GNPTG: variants seen among roughly 807,000 people sequenced by gnomAD.
GNPTG encodes N-acetylglucosamine-1-phosphotransferase subunit gamma.
Under a neutral mutation model 43.8 loss-of-function variants are expected in GNPTG, and 46 were observed. That is an observed-to-expected ratio of 1.05 (90% CI 0.83 to 1.34). The LOEUF is 1.34. Among genes scored for constraint, GNPTG ranks in the 40% most tolerant of loss-of-function variants. The probability of loss-of-function intolerance (pLI) is 0.00; values close to 1 mark genes in which losing one functional copy is unlikely to be tolerated. For missense variants in GNPTG, 549 were observed against 411.3 expected (o/e 1.33, Z -2.90); for synonymous variants, 250 against 172.8 (o/e 1.45, Z -3.50).
chr16:1,355,090 C>A (rs1373979636), intron 3 of GNPTG, among the ~76,000 whole-genome samples: 1 of 151,178 alleles, frequency 6.6e-6, no homozygotes, highest in East Asian at 1.9e-4. Flanking sequence ...TGGATGGTCT[C>A]CCGCGTCTGC....
At chr16:1,362,413 A>G (rs1480534388) in intron 7 of GNPTG, 39 bp from the exon 8 acceptor site, 8 of 1,612,074 alleles carry the variant, frequency 5.0e-6, no homozygotes, top group African/African-American at 2.7e-5. Flanking sequence ...GGGTTGGGAC[A>G]TGGGGTGCAG....
intron 3 of GNPTG, among the ~76,000 whole-genome samples, chr16:1,353,710 G>A (rs2034724143): frequency 1.3e-5 from 2 of 152,130 alleles, no homozygotes; most frequent in Admixed American, 6.5e-5. Flanking sequence ...TTCTTGTAGA[G>A]ATGGAAGTCT....
At chr16:1,353,873 T>C (rs1248363471) in intron 3 of GNPTG, among the ~76,000 whole-genome samples, 1 of 152,108 alleles carries the variant, frequency 6.6e-6, no homozygotes, top group Non-Finnish European at 1.5e-5. Flanking sequence ...CTGTGGCTAT[T>C]TGGGGAAAGG....
At chr16:1,356,030 G>T (rs1466392645) in intron 3 of GNPTG, among the ~76,000 whole-genome samples, 1 of 151,960 alleles carries the variant, frequency 6.6e-6, no homozygotes, top group Non-Finnish European at 1.5e-5. Flanking sequence ...AGGTTGGGAG[G>T]GTACTGGGAC....
intron 7 of GNPTG, 56 bp downstream of exon 7, chr16:1,362,376 C>A: frequency 6.2e-7 from 1 of 1,608,594 alleles, no homozygotes; most frequent in Non-Finnish European, 8.5e-7. Flanking sequence ...CGCAGCCCTG[C>A]TGGAGGCCCT....
Position 1,363,272 on chromosome 16 carries a change from C to A in GNPTG, c.*181C>A. The A allele has an allele frequency of 1.5e-6, 1 of 649,656 alleles. No individual in the cohort carries two copies. Among genetic ancestry groups the A allele is most frequent in the Admixed American group, 2.4e-5 (1 of 41,488 alleles). 40.2% of individuals were successfully genotyped at this position (649,656 alleles called of 1,614,324 possible). Reference sequence around the variant, plus strand: ...ACTCCATGAATTCTGTAAACCATTGCATAAATGCTATAGTGTAAAAAAATT... The same window carrying A: ...ACTCCATGAATTCTGTAAACCATTGAATAAATGCTATAGTGTAAAAAAATT... On this transcript the variant is annotated 3_prime_UTR_variant, in exon 11 of 11. Coordinates refer to ENST00000204679, the MANE Select transcript of GNPTG (RefSeq NM_032520.5).
chr16:1,359,973 A>G (rs2034841540), intron 3 of GNPTG, among the ~76,000 whole-genome samples: 1 of 152,074 alleles, frequency 6.6e-6, no homozygotes, highest in Non-Finnish European at 1.5e-5. Flanking sequence ...GCCAGCCGTG[A>G]TGGCAGGCAC....
At chr16:1,357,342 C>T (rs1397499363) in intron 3 of GNPTG, among the ~76,000 whole-genome samples, 1 of 152,210 alleles carries the variant, frequency 6.6e-6, no homozygotes, top group Non-Finnish European at 1.5e-5. Flanking sequence ...GCCGGGCCAG[C>T]ACCCCAGAGG....
At chr16:1,357,468 CGTGT>C (rs2034798029) in intron 3 of GNPTG, among the ~76,000 whole-genome samples, 1 of 151,510 alleles carries the variant, frequency 6.6e-6, no homozygotes, top group African/African-American at 2.4e-5. Context: ...CCCAGCACCT[CGTGT>C]GTATTTCGAC....
chr16:1,360,188 G>A (rs2034845570), intron 3 of GNPTG, among the ~76,000 whole-genome samples: 1 of 152,090 alleles, frequency 6.6e-6, no homozygotes, highest in Non-Finnish European at 1.5e-5. Flanking sequence ...TAATTGTGGT[G>A]TCTTGGCACA....
At chr16:1,357,449 G>A (rs1419675283) in intron 3 of GNPTG, among the ~76,000 whole-genome samples, 4 of 152,116 alleles carry the variant, frequency 2.6e-5, no homozygotes, top group African/African-American at 9.7e-5. Flanking sequence ...GATTCCCAGG[G>A]AACAGTCACC....
rs2034881181 is a variant in GNPTG, at chr16:1,361,652, AG to A, written c.179-90del. 9 of 1,418,250 alleles carry A rather than the reference AG, an allele frequency of 6.3e-6. No homozygotes were observed. In the South Asian group the frequency reaches 1.1e-4, roughly 17 times the overall value. 87.9% of individuals were successfully genotyped at this position (1,418,250 alleles called of 1,614,324 possible). ...GAGTGAGACTCCATCTCAAAAAAAA[AG>A]AAAACTGGTCCTTTGAAAACAGACT... On this transcript the variant is annotated intron_variant, in intron 3 of 10. Coordinates refer to ENST00000204679, the MANE Select transcript of GNPTG (RefSeq NM_032520.5).
chr16:1,362,933 G>GGCTCACCATCAC, intron 10 of GNPTG, 27 bp downstream of exon 10: 1 of 1,613,880 alleles, frequency 6.2e-7, no homozygotes, highest in East Asian at 2.2e-5. Context: ...GAGAGGGCCA[G>GGCTCACCATCAC]GCTCACCATC....
Position 1,363,241 on chromosome 16 carries a change from A to AAAAT in GNPTG, c.*153_*156dup. 1.4e-6 allele frequency: 1 copy of AAAAT among 706,534 alleles called. No individual in the cohort carries two copies. The highest frequency in any genetic ancestry group is 2.5e-6 in the Non-Finnish European group (1 of 400,640). The allele number at this position is 706,534 out of a possible 1,614,324, so 43.8% of individuals were successfully genotyped here. On this transcript the variant is annotated 3_prime_UTR_variant, in exon 11 of 11. Transcript: ENST00000204679. ...GTTTTAATTAATTCCCATACTGATA[A>AAAAT]AAATAACTCCATGAATTCTGTAAAC... is the stretch of plus-strand genomic sequence containing the variant.
rs747362604 is a variant in GNPTG at position 1,361,892 on chromosome 16, C to T, written c.254C>T (p.Pro85Leu). 2.4e-5 allele frequency: 39 copies of T among 1,613,710 alleles called. No homozygotes were observed. Among genetic ancestry groups the T allele is most frequent in the Admixed American group, 1.8e-4 (11 of 60,014 alleles). ...CCCAGGTACAAGTATGAGTTCTGCC[C>T]GTTCCACAACGTGACCCAGCACGAG... ...VESTYKYEFC[P>L]FHNVTQHEQT... The change falls in exon 5 of 11, where the codon CCG (proline) becomes CTG (leucine). Residue 85 changes from proline to leucine, a missense_variant. Coordinates refer to ENST00000204679, the MANE Select transcript of GNPTG (RefSeq NM_032520.5).
At chr16:1,358,886 G>A (rs2034823771) in intron 3 of GNPTG, 1 of 150,198 alleles carries the variant, frequency 6.7e-6, no homozygotes, top group African/African-American at 2.5e-5. Context: ...TTTTGAGATG[G>A]AGTCTCACTC....
intron 3 of GNPTG, chr16:1,352,597 A>G: frequency 2.2e-6 from 1 of 453,472 alleles, no homozygotes; most frequent in Non-Finnish European, 4.0e-6. Flanking sequence ...TGCAACTGGA[A>G]AACGTATAGT....
intron 3 of GNPTG, among the ~76,000 whole-genome samples, chr16:1,354,695 T>A (rs561788385): frequency 6.6e-6 from 1 of 152,202 alleles, no homozygotes; most frequent in East Asian, 1.9e-4. Flanking sequence ...CATGTGCATT[T>A]GGTTCATTAT....
At position 1,362,984 on chromosome 16, in the gene GNPTG, G is replaced by C. The variant is rs765956386; in HGVS notation, c.824-13G>C. On this transcript the variant is annotated splice_polypyrimidine_tract_variant and intron_variant, in intron 10 of 10. Transcript: ENST00000204679. Reference sequence around the variant, plus strand: ...GGGTCCAGGTGAGGACTGGCCACCTGGTGTTTTGGCAGAAACTTCCAACTT... The same window carrying C: ...GGGTCCAGGTGAGGACTGGCCACCTCGTGTTTTGGCAGAAACTTCCAACTT... 4 of 1,614,078 alleles carry C rather than the reference G, an allele frequency of 2.5e-6. No homozygotes were observed. Among genetic ancestry groups the C allele is most frequent in the Non-Finnish European group, 3.4e-6 (4 of 1,179,984 alleles).
Sources: allele counts gnomAD v4.1 joint callset (sites outside exome capture counted in the v4.1 genomes callset), GRCh38; gene constraint gnomAD v4.1.1; transcripts MANE v1.5; gene names NCBI Gene and HGNC (gene_info 2026-07-23, HGNC 2026-07-21).